Variants in TBC1D22A observed in about 807,000 individuals in gnomAD.
The protein encoded by TBC1D22A is TBC1 domain family member 22A, also known as putative GTPase activator.
TBC1D22A carries 38 observed loss-of-function variants against 60.2 expected under a neutral mutation model. The ratio of observed to expected loss-of-function variants is 0.63; its 90% confidence interval spans 0.49 to 0.83. The LOEUF is 0.83. TBC1D22A is among the 40% of genes least tolerant of loss of function. The pLI is 0.00. For synonymous variants in TBC1D22A, 302 were observed against 281.7 expected, an observed-to-expected ratio of 1.07 and a Z score of -0.72; for missense variants, 628 against 701.0, an observed-to-expected ratio of 0.90 and a Z score of 1.18.
At chr22:46,769,051 G>T (rs374530853) in intron 1 of TBC1D22A, among the ~76,000 whole-genome samples, 26 of 136,578 alleles carry the variant, frequency 1.9e-4, no homozygotes, top group African/African-American at 6.5e-4. Context: ...CTGAGATCGC[G>T]TCACTGCACT....
intron 1 of TBC1D22A, among the ~76,000 whole-genome samples, chr22:46,769,093 CAAAAAAAAA>C (rs61105868): frequency 4.1e-5 from 3 of 72,654 alleles, no homozygotes; most frequent in African/African-American, 5.7e-5. Context: ...GACTCTGTCT[CAAAAAAAAA>C]AAAAAAAAAA....
intron 1 of TBC1D22A, chr22:46,764,008 C>G (rs1475937810): frequency 2.6e-5 from 4 of 152,358 alleles, no homozygotes; most frequent in Middle Eastern, 3.4e-3. Flanking sequence ...GCAGGAGAAT[C>G]ACTTGAACCT....
At chr22:46,944,067 G>A (rs2072353111) in intron 8 of TBC1D22A, among the ~76,000 whole-genome samples, 1 of 152,210 alleles carries the variant, frequency 6.6e-6, no homozygotes, top group African/African-American at 2.4e-5. Flanking sequence ...ATACCTAGGA[G>A]TGGAATTGCT....
chr22:47,034,008 T>A (rs1448781466), intron 10 of TBC1D22A, among the ~76,000 whole-genome samples: 5 of 152,250 alleles, frequency 3.3e-5, no homozygotes, highest in Non-Finnish European at 7.3e-5. Flanking sequence ...GATTAAATTC[T>A]GCGGGGGCTT....
chr22:46,996,846 G>A (rs1028143658), intron 9 of TBC1D22A, among the ~76,000 whole-genome samples: 10 of 152,132 alleles, frequency 6.6e-5, no homozygotes, highest in African/African-American at 1.7e-4. Flanking sequence ...TCACTGCCCC[G>A]GTACCTGCTG....
chr22:47,023,287 A>G (rs887067354), intron 10 of TBC1D22A, among the ~76,000 whole-genome samples: 14 of 152,264 alleles, frequency 9.2e-5, no homozygotes, highest in African/African-American at 3.4e-4. Context: ...GAAAAGATTC[A>G]TGAACCTGCC....
intron 11 of TBC1D22A, among the ~76,000 whole-genome samples, chr22:47,103,131 T>C (rs1255637704): frequency 6.6e-6 from 1 of 152,178 alleles, no homozygotes; most frequent in Admixed American, 6.5e-5. Flanking sequence ...CCTGTCCCTT[T>C]CCCCAGGCTC....
At chr22:47,077,578 A>C (rs761219267) in intron 11 of TBC1D22A, among the ~76,000 whole-genome samples, 1 of 152,184 alleles carries the variant, frequency 6.6e-6, no homozygotes, top group African/African-American at 2.4e-5. Context: ...TTAGTTGCAC[A>C]TTGAGTATTT....
At chr22:47,118,169 T>TA (rs35728752) in intron 12 of TBC1D22A, among the ~76,000 whole-genome samples, 1 of 151,990 alleles carries the variant, frequency 6.6e-6, no homozygotes, top group Non-Finnish European at 1.5e-5. Context: ...CTGAATGGCA[T>TA]AAAAAAGGAG....
At chr22:47,131,815 G>A (rs571788967) in intron 12 of TBC1D22A, among the ~76,000 whole-genome samples, 6 of 152,200 alleles carry the variant, frequency 3.9e-5, no homozygotes, top group Non-Finnish European at 7.3e-5. Context: ...CCTTGAGAGC[G>A]ATCCCACATG....
At chr22:46,829,412 G>A (rs984647817) in intron 4 of TBC1D22A, among the ~76,000 whole-genome samples, 1 of 152,152 alleles carries the variant, frequency 6.6e-6, no homozygotes, top group African/African-American at 2.4e-5. Context: ...GTGAGGGATG[G>A]TCCTGTTGTT....
rs761696735 is a variant in TBC1D22A at position 46,913,429 on chromosome 22, A to T, written c.1015+1241A>T. 5 of 1,365,588 alleles carry T rather than the reference A, an allele frequency of 3.7e-6. No homozygotes were observed. In the South Asian group the frequency reaches 5.7e-5, roughly 16 times the overall value. The allele number at this position is 1,365,588 out of a possible 1,614,324, so 84.6% of individuals were successfully genotyped here. ...GACAGATGAACAGATTATCCTCAGA[A>T]GATGAGGACATATCCAAGTAGTGAA... On this transcript the variant is annotated intron_variant, in intron 8 of 12. Coordinates refer to ENST00000337137, the MANE Select transcript of TBC1D22A (RefSeq NM_014346.5).
At chr22:46,924,687 G>A (rs1008185113) in intron 8 of TBC1D22A, among the ~76,000 whole-genome samples, 2 of 152,044 alleles carry the variant, frequency 1.3e-5, no homozygotes, top group African/African-American at 4.8e-5. Flanking sequence ...GGAGGTTGCA[G>A]TGAGCCAAGA....
At chr22:47,133,538 G>C (rs976579842) in intron 12 of TBC1D22A, among the ~76,000 whole-genome samples, 9 of 152,222 alleles carry the variant, frequency 5.9e-5, no homozygotes, top group African/African-American at 2.2e-4. Flanking sequence ...GGTGATTCCA[G>C]CTGTGCAGCA....
intron 8 of TBC1D22A, among the ~76,000 whole-genome samples, chr22:46,922,842 G>C (rs1569226358): frequency 6.6e-6 from 1 of 151,978 alleles, no homozygotes; most frequent in Non-Finnish European, 1.5e-5. Context: ...GAGACTATGG[G>C]GTTTTCTAGG....
intron 8 of TBC1D22A, among the ~76,000 whole-genome samples, chr22:46,958,438 G>A (rs1053929886): frequency 2.0e-5 from 3 of 152,174 alleles, no homozygotes; most frequent in African/African-American, 7.2e-5. Flanking sequence ...ATGGGACAGG[G>A]GGCTCGGCAT....
intron 6 of TBC1D22A, 110 bp downstream of exon 6, chr22:46,891,504 T>C: frequency 8.3e-7 from 1 of 1,200,258 alleles, no homozygotes. Flanking sequence ...GAGTTAAAGA[T>C]GCAGGTCCCT....
At chr22:47,022,551 CAAAA>C (rs35629335) in intron 10 of TBC1D22A, among the ~76,000 whole-genome samples, 1 of 132,950 alleles carries the variant, frequency 7.5e-6, no homozygotes, top group Non-Finnish European at 1.6e-5. Flanking sequence ...GACTCTGTCT[CAAAA>C]AAAAAAACAC....
At chr22:46,881,173 G>A (rs770051964) in intron 5 of TBC1D22A, among the ~76,000 whole-genome samples, 4 of 152,152 alleles carry the variant, frequency 2.6e-5, no homozygotes, top group Non-Finnish European at 5.9e-5. Flanking sequence ...TATTCTGAAG[G>A]AGAAACTGGG....
Sources: gnomAD v4.1 joint callset for allele counts (sites outside exome capture counted in the v4.1 genomes callset) on GRCh38, gnomAD v4.1.1 for gene constraint, MANE v1.5 for transcripts, NCBI Gene and HGNC (gene_info 2026-07-23, HGNC 2026-07-21) for gene names.